The following ZNF266 variants were observed in gnomAD, a reference collection of about 807,000 sequenced individuals.
ZNF266 encodes the protein zinc finger protein 266, also known as zinc finger protein 1.
ZNF266 carries 16 observed loss-of-function variants against 16.4 expected under a neutral mutation model. That is an observed-to-expected ratio of 0.98 (90% confidence interval 0.66 to 1.48). ZNF266 has a LOEUF of 1.48. Ranked by LOEUF, ZNF266 falls within the 40% of genes most tolerant of loss-of-function variation. The pLI is 0.00. For synonymous variants in ZNF266, 262 were observed against 237.9 expected (o/e 1.10, Z -0.93); for missense variants, 738 against 689.1 (o/e 1.07, Z -0.79).
intron 5 of ZNF266, chr19:9,420,666 A>T (rs1978437): frequency 6.6e-6 from 1 of 151,728 alleles, no homozygotes; most frequent in Admixed American, 6.6e-5. Context: ...GAGGCAGGAG[A>T]ATCGCTTGAA....
At chr19:9,432,288 C>T (rs779079321) in intron 5 of ZNF266, among the ~76,000 whole-genome samples, 2 of 152,204 alleles carry the variant, frequency 1.3e-5, no homozygotes, top group Non-Finnish European at 2.9e-5. Flanking sequence ...ATAGTGTATA[C>T]ATTACTGTTG....
In ZNF266 at chr19:9,413,069, CTGA is replaced by C; in HGVS notation, c.*203_*205del. The stretch of plus-strand genomic sequence containing the variant: ...ATACAGTTTCTCTCCAGTGAGATTT[CTGA>C]TGTGTTTGGTAAGGCTTGAGAATTC... On this transcript the variant is annotated 3_prime_UTR_variant, in exon 11 of 11. Transcript: ENST00000592904. The C allele has an allele frequency of 1.7e-6, 1 of 586,820 alleles. No individual in the cohort carries two copies. The highest frequency in any genetic ancestry group is 2.7e-5 in the South Asian group (1 of 37,490). The allele number at this position is 586,820 out of a possible 1,614,324, so 36.4% of individuals were successfully genotyped here.
rs1286149376 is a variant in ZNF266 at position 9,413,900 on chromosome 19, T to G, written c.1226A>C (p.His409Pro). ...SFRNSSCLSD[H>P]FRIHTGIKPY... ...TTTTATTCCAGTGTGAATTCGAAAG[T>G]GATCACTGAGGCATGAGGAATTTCT... The change falls in exon 11 of 11, where the codon CAC becomes CCC. Residue 409 changes from histidine (H) to proline (P), a missense_variant. Physicochemically the swap from His to Pro is moderately conservative, Grantham distance 77. Coordinates refer to ENST00000592904, the MANE Select transcript of ZNF266 (RefSeq NM_001370374.1). 6.2e-7 allele frequency: 1 copy of G among 1,614,090 alleles called. No homozygotes were observed. Among genetic ancestry groups the G allele is most frequent in the Non-Finnish European group, 8.5e-7 (1 of 1,180,052 alleles).
At chr19:9,420,906 AC>A (rs1273007673) in intron 5 of ZNF266, among the ~76,000 whole-genome samples, 2 of 152,186 alleles carry the variant, frequency 1.3e-5, no homozygotes, top group African/African-American at 4.8e-5. Flanking sequence ...GGCTGCTCTT[AC>A]TTTCCCACAT....
At chr19:9,432,453 C>G (rs1178926810) in intron 5 of ZNF266, among the ~76,000 whole-genome samples, 1 of 152,168 alleles carries the variant, frequency 6.6e-6, no homozygotes, top group Non-Finnish European at 1.5e-5. Flanking sequence ...GGCTAGTTCA[C>G]TGGAACCCCT....
chr19:9,421,893 C>G (rs2069959154), intron 5 of ZNF266, among the ~76,000 whole-genome samples: 1 of 151,934 alleles, frequency 6.6e-6, no homozygotes, highest in African/African-American at 2.4e-5. Context: ...GCTCTGTCAC[C>G]CAGGCTGGAG....
At position 9,413,398 on chromosome 19, in the gene ZNF266, T is replaced by C. The variant is rs762716754; in HGVS notation, c.1728A>G (p.Leu576=). 1 of 1,613,828 alleles carries C rather than the reference T, an allele frequency of 6.2e-7. No homozygotes were observed. Among genetic ancestry groups the C allele is most frequent in the Non-Finnish European group, 8.5e-7 (1 of 1,179,960 alleles). ...KSFSYSNSFQ[L]HERTHTGEKP... ...TCTCTCCAGTGTGAGTTCGTTCATG[T>C]AACTGAAACGAATTGGAGTAACTGA... Residue 576 remains leucine (L), a synonymous_variant, in exon 11 of 11, where the codon TTA becomes TTG. Transcript: ENST00000592904.
At position 9,435,209 on chromosome 19, in the gene ZNF266, T is replaced by C. The variant is rs2072289023; in HGVS notation, c.-557-16A>G. 6.6e-6 allele frequency: 1 copy of C among 150,422 alleles called. No individual in the cohort carries two copies. The highest frequency in any genetic ancestry group is 2.1e-4 in the South Asian group (1 of 4,780). The allele number at this position is 150,422 out of a possible 1,614,324, so 9.3% of individuals were successfully genotyped here. On this transcript the variant is annotated splice_polypyrimidine_tract_variant and intron_variant, in intron 1 of 10. Coordinates refer to ENST00000592904, the MANE Select transcript of ZNF266 (RefSeq NM_001370374.1). ...CTCGTTGTTTCTGGAAAAAAAAAAG[T>C]CACAAAGAATTGCTTTGGAAGAGTT...
chr19:9,413,886 T>C lies in ZNF266; in HGVS notation c.1240A>G (p.Thr414Ala). The change falls in exon 11 of 11, where the codon ACT becomes GCT. Residue 414 changes from threonine to alanine, a missense_variant. Physicochemically the swap from Thr to Ala is moderately conservative, Grantham distance 58. Coordinates refer to ENST00000592904, the MANE Select transcript of ZNF266 (RefSeq NM_001370374.1). Reference sequence around the variant, plus strand: ...TTACATTTATAGGGTTTTATTCCAGTGTGAATTCGAAAGTGATCACTGAGG... The same window carrying C: ...TTACATTTATAGGGTTTTATTCCAGCGTGAATTCGAAAGTGATCACTGAGG... ...SCLSDHFRIH[T>A]GIKPYKCKDC... The C allele has an allele frequency of 3.7e-6, 6 of 1,614,196 alleles. No homozygotes were observed. The highest frequency in any genetic ancestry group is 5.1e-6 in the Non-Finnish European group (6 of 1,180,040).
chr19:9,428,565 A>G (rs1209717500), intron 5 of ZNF266, among the ~76,000 whole-genome samples: 2 of 152,166 alleles, frequency 1.3e-5, no homozygotes, highest in Non-Finnish European at 2.9e-5. Flanking sequence ...GATGTCCCTA[A>G]TAAAGGACAG....
At chr19:9,428,207 GATCCTCCT>G (rs2071049951) in intron 5 of ZNF266, among the ~76,000 whole-genome samples, 1 of 152,174 alleles carries the variant, frequency 6.6e-6, no homozygotes, top group African/African-American at 2.4e-5. Context: ...CTGAGCCTGT[GATCCTCCT>G]ATGCAGCTGC....
intron 5 of ZNF266, among the ~76,000 whole-genome samples, chr19:9,430,857 A>G (rs2071483598): frequency 6.6e-6 from 1 of 152,222 alleles, no homozygotes; most frequent in South Asian, 2.1e-4. Context: ...ACAAAGGCAC[A>G]GTCCCACAGG....
intron 10 of ZNF266, among the ~76,000 whole-genome samples, chr19:9,415,312 A>C (rs1383550999): frequency 6.6e-6 from 1 of 152,142 alleles, no homozygotes; most frequent in Non-Finnish European, 1.5e-5. Flanking sequence ...AACAACAATA[A>C]GTGTCAAGCT....
At position 9,413,155 on chromosome 19, in the gene ZNF266, T is replaced by C; in HGVS notation, c.*120A>G. ...GTCTTCTCCACTGTGAATTCATATG[T>C]GTTCATTAAGACCTGAGATACAAAG... On this transcript the variant is annotated 3_prime_UTR_variant, in exon 11 of 11. Transcript: ENST00000592904. The C allele has an allele frequency of 8.0e-7, 1 of 1,250,706 alleles. No individual in the cohort carries two copies. Among genetic ancestry groups the C allele is most frequent in the Admixed American group, 2.4e-5 (1 of 40,888 alleles). 77.5% of individuals were successfully genotyped at this position (1,250,706 alleles called of 1,614,324 possible).
At chr19:9,426,499 A>C (rs1323263478) in intron 5 of ZNF266, among the ~76,000 whole-genome samples, 1 of 151,748 alleles carries the variant, frequency 6.6e-6, no homozygotes, top group Admixed American at 6.6e-5. Flanking sequence ...ACCAAAAAAA[A>C]AGGAAAAAAA....
rs2068694602 is a variant in ZNF266, at chr19:9,414,530, C to CT, written c.595dup (p.Ser199LysfsTer26). On this transcript the variant is annotated frameshift_variant, in exon 11 of 11. Transcript: ENST00000592904. LOFTEE classifies it low-confidence loss of function (END_TRUNC). Reference sequence around the variant, plus strand: ...CAGGCTGAAGGCTTTTCCACACTGACTAAATACAGAACGTTGCTCTCCAGT... The same window carrying CT: ...CAGGCTGAAGGCTTTTCCACACTGACTTAAATACAGAACGTTGCTCTCCAGT... 2 of 1,614,142 alleles carry CT rather than the reference C, an allele frequency of 1.2e-6. No homozygotes were observed. The highest frequency in any genetic ancestry group is 2.7e-5 in the African/African-American group (2 of 75,054).
intron 5 of ZNF266, among the ~76,000 whole-genome samples, chr19:9,431,280 C>T (rs1052130057): frequency 2.0e-5 from 3 of 152,174 alleles, no homozygotes; most frequent in African/African-American, 7.2e-5. Flanking sequence ...TACCACAAAA[C>T]CCTGGCCCAG....
In ZNF266 at chr19:9,413,524, C is replaced by T; in HGVS notation, c.1602G>A (p.Met534Ile). Residue 534 changes from methionine (M) to isoleucine (I), a missense_variant, in exon 11 of 11, where the codon ATG (methionine) becomes ATA (isoleucine). Met to Ile is a conservative substitution (Grantham distance 10). Transcript: ENST00000592904. ...GAAACTTAAAAGCTTTGCCACATTC[C>T]ATACACGTGAATGGTTTTTTGGCGC... is the stretch of plus-strand genomic sequence containing the variant. Reference protein sequence around the residue: ...THSAKKPFTCMECGKAFKFPT... With the variant: ...THSAKKPFTCIECGKAFKFPT... The T allele has an allele frequency of 1.9e-6, 3 of 1,613,316 alleles. No individual in the cohort carries two copies. Among genetic ancestry groups the T allele is most frequent in the Non-Finnish European group, 2.5e-6 (3 of 1,179,368 alleles).
At chr19:9,432,175 C>T (rs10401760) in intron 5 of ZNF266, among the ~76,000 whole-genome samples, 92,493 of 151,878 alleles carry the variant, frequency 0.61, 28,786 homozygotes, top group African/African-American at 0.73. Context: ...GCCAGGCTGG[C>T]CTTCAACTCC....
Sources: allele counts gnomAD v4.1 joint callset (sites outside exome capture counted in the v4.1 genomes callset), GRCh38; gene constraint gnomAD v4.1.1; transcripts MANE v1.5; gene names NCBI Gene and HGNC (gene_info 2026-07-23, HGNC 2026-07-21).